Variants in MYO5B observed in about 807,000 individuals in gnomAD.
MYO5B encodes unconventional myosin-Vb.
In MYO5B, 143 loss-of-function variants were observed where a neutral mutation model predicts 229.3. The observed-to-expected ratio is 0.62, with a 90% CI of 0.54 to 0.72. MYO5B has a LOEUF of 0.72. Ranked by LOEUF, MYO5B falls within the 30% of genes least tolerant of loss-of-function variation. The probability of loss-of-function intolerance (pLI) is 0.00; values close to 1 mark genes in which losing one functional copy is unlikely to be tolerated. For missense variants in MYO5B, 2,321 were observed against 2,331.0 expected (o/e 1.00, Z 0.09); for synonymous variants, 918 against 885.2 (o/e 1.04, Z -0.66).
intron 12 of MYO5B, among the ~76,000 whole-genome samples, chr18:49,958,202 C>G (rs978638555): frequency 1.3e-5 from 2 of 152,226 alleles, no homozygotes; most frequent in East Asian, 3.9e-4. Context: ...GTACTGCAGC[C>G]AAAAAATAAA....
At chr18:49,978,233 A>G (rs1255698859) in intron 9 of MYO5B, among the ~76,000 whole-genome samples, 1 of 152,074 alleles carries the variant, frequency 6.6e-6, no homozygotes, top group Non-Finnish European at 1.5e-5. Flanking sequence ...TCCCACCCTC[A>G]TACTATCTCC....
At chr18:49,899,329 C>G (rs2024815381) in intron 21 of MYO5B, among the ~76,000 whole-genome samples, 1 of 152,228 alleles carries the variant, frequency 6.6e-6, no homozygotes, top group African/African-American at 2.4e-5. Flanking sequence ...CTATATAGAG[C>G]TCTAATGGAG....
At chr18:49,950,387 A>G (rs1251016315) in intron 14 of MYO5B, among the ~76,000 whole-genome samples, 2 of 152,216 alleles carry the variant, frequency 1.3e-5, no homozygotes, top group African/African-American at 4.8e-5. Flanking sequence ...ACATCTATAC[A>G]CTTTTGATGT....
intron 5 of MYO5B, among the ~76,000 whole-genome samples, chr18:50,000,136 C>A (rs944847158): frequency 1.3e-5 from 2 of 152,184 alleles, no homozygotes; most frequent in African/African-American, 4.8e-5. Context: ...TTTATGCCTG[C>A]ACTTGGTAAA....
chr18:49,896,397 T>C (rs545000543), intron 21 of MYO5B, among the ~76,000 whole-genome samples: 26 of 152,304 alleles, frequency 1.7e-4, no homozygotes, highest in African/African-American at 5.3e-4. Context: ...CAGATTCTAT[T>C]TGAACACCGA....
chr18:50,022,933 G>A (rs1324310137), intron 4 of MYO5B, among the ~76,000 whole-genome samples: 1 of 152,072 alleles, frequency 6.6e-6, no homozygotes, highest in African/African-American at 2.4e-5. Flanking sequence ...GTTCAGCTTT[G>A]GTGTGCTGCT....
intron 1 of MYO5B, among the ~76,000 whole-genome samples, chr18:50,147,477 C>T (rs950151381): frequency 7.2e-5 from 11 of 152,198 alleles, no homozygotes; most frequent in African/African-American, 2.4e-4. Flanking sequence ...TTGTTTAACA[C>T]ATGAAGCTGA....
chr18:49,982,473 T>C (rs1436602672), intron 8 of MYO5B, among the ~76,000 whole-genome samples: 1 of 152,176 alleles, frequency 6.6e-6, no homozygotes, highest in African/African-American at 2.4e-5. Flanking sequence ...TAACAATAGT[T>C]AGGATCCTCG....
At chr18:50,172,840 G>C (rs892541145) in intron 1 of MYO5B, among the ~76,000 whole-genome samples, 1 of 152,208 alleles carries the variant, frequency 6.6e-6, no homozygotes, top group Admixed American at 6.5e-5. Context: ...CCTCCCAGAG[G>C]AGGTGACTTG....
chr18:49,889,476 G>C (rs1303851587), intron 22 of MYO5B, among the ~76,000 whole-genome samples: 2 of 152,186 alleles, frequency 1.3e-5, no homozygotes, highest in Non-Finnish European at 2.9e-5. Flanking sequence ...GGAAGGCAGG[G>C]GTCTTGCCCC....
chr18:50,089,725 CA>C (rs1006676634), intron 1 of MYO5B, among the ~76,000 whole-genome samples: 8 of 152,186 alleles, frequency 5.3e-5, no homozygotes, highest in African/African-American at 1.9e-4. Context: ...GCTCTGCAAA[CA>C]CAAACGTTTC....
At chr18:50,158,487 T>C (rs1013936354) in intron 1 of MYO5B, among the ~76,000 whole-genome samples, 2 of 152,240 alleles carry the variant, frequency 1.3e-5, no homozygotes, top group Admixed American at 6.5e-5. Flanking sequence ...ATTATTAATA[T>C]CTTTCCTTGC....
At chr18:50,165,403 C>T (rs1481311247) in intron 1 of MYO5B, among the ~76,000 whole-genome samples, 1 of 151,960 alleles carries the variant, frequency 6.6e-6, no homozygotes, top group Admixed American at 6.6e-5. Context: ...TCACTTGAGT[C>T]CAGGTAGCTG....
chr18:50,118,151 C>A (rs960920969), intron 1 of MYO5B, among the ~76,000 whole-genome samples: 5 of 152,140 alleles, frequency 3.3e-5, no homozygotes, highest in Non-Finnish European at 7.3e-5. Context: ...CCCATCCACC[C>A]GCCCCCAACT....
intron 33 of MYO5B, among the ~76,000 whole-genome samples, chr18:49,844,049 A>G (rs910811862): frequency 2.0e-5 from 3 of 151,854 alleles, no homozygotes; most frequent in African/African-American, 7.3e-5. Context: ...ACTTCCCCCA[A>G]CTGCTCTCCT....
Position 50,171,439 on chromosome 18 carries a change from A to C in MYO5B, c.27+23328T>G, listed in dbSNP as rs1414459691. On this transcript the variant is annotated intron_variant, in intron 1 of 39. Coordinates refer to ENST00000285039, the MANE Select transcript of MYO5B (RefSeq NM_001080467.3). ...TGGTCTCGAGAGAGACCATAAACTT[A>C]GAAATATAAAGGTACAGAACATTCC... 2.4e-5 allele frequency among the ~76,000 whole-genome samples: 3 copies of C among 127,658 alleles called. 1 individual carries two copies. Among genetic ancestry groups the C allele is most frequent in the Admixed American group, 1.7e-4 (2 of 11,922 alleles). The allele number at this position is 127,658 out of a possible 152,430, so 83.7% of individuals were successfully genotyped here.
Position 49,937,373 on chromosome 18 carries a change from G to C in MYO5B, c.1777C>G (p.His593Asp). ...GCAGGAACAGGGTCCTTGTCATCAT[G>C]AAACAAGTCAGCCACTAGTGGGAAC... is the stretch of plus-strand genomic sequence containing the variant. ...SKFPLVADLFHDDKDPVPATT... is the reference protein window; with the variant it reads ...SKFPLVADLFDDDKDPVPATT... Residue 593 changes from histidine to aspartate, a missense_variant, in exon 15 of 40, where the codon CAT becomes GAT. His to Asp is a moderately conservative substitution (Grantham distance 81, BLOSUM62 -1). Transcript: ENST00000285039. 1.2e-6 allele frequency: 2 copies of C among 1,614,148 alleles called. No individual in the cohort carries two copies. Among genetic ancestry groups the C allele is most frequent in the Non-Finnish European group, 1.7e-6 (2 of 1,180,000 alleles).
intron 14 of MYO5B, chr18:49,946,496 A>C (rs2025374502): frequency 6.6e-6 from 1 of 152,214 alleles, no homozygotes; most frequent in Non-Finnish European, 1.5e-5. Flanking sequence ...GAACTTGGAA[A>C]TCAGAATCAC....
chr18:49,964,821 T>C (rs1252608820), intron 10 of MYO5B, among the ~76,000 whole-genome samples: 2 of 152,106 alleles, frequency 1.3e-5, no homozygotes, highest in African/African-American at 2.4e-5. Context: ...CTCCAATGTG[T>C]GCAATATGGC....
Sources: allele counts gnomAD v4.1 joint callset (sites outside exome capture counted in the v4.1 genomes callset), GRCh38; gene constraint gnomAD v4.1.1; transcripts MANE v1.5; gene names NCBI Gene and HGNC (gene_info 2026-07-23, HGNC 2026-07-21).